Variants in ARHGAP4 observed in about 807,000 individuals in gnomAD.
ARHGAP4 encodes rho GTPase-activating protein 4.
ARHGAP4 carries 25 observed loss-of-function variants against 67.6 expected under a neutral mutation model. The ratio of observed to expected loss-of-function variants is 0.37; its 90% CI spans 0.27 to 0.52. ARHGAP4 has a LOEUF of 0.52. Ranked by LOEUF, ARHGAP4 falls within the 20% of genes least tolerant of loss-of-function variation. The pLI is 0.92. For missense variants in ARHGAP4, 804 were observed against 854.6 expected, an observed-to-expected ratio of 0.94 and a Z score of 0.74; for synonymous variants, 448 against 373.7, an observed-to-expected ratio of 1.20 and a Z score of -2.29.
chrX:153,920,832 T>C (rs2065087886), intron 4 of ARHGAP4, 24 bp from the exon 5 acceptor site: 1 of 1,209,311 alleles, frequency 8.3e-7, no homozygotes, highest in Admixed American at 2.2e-5. Context: ...CAAAGCAAGG[T>C]GGTGCTGGTG....
chrX:153,926,097 C>A, intron 1 of ARHGAP4, 39 bp downstream of exon 1: 1 of 1,196,014 alleles, frequency 8.4e-7, no homozygotes, highest in South Asian at 1.8e-5. Flanking sequence ...CTTGGGTTCT[C>A]CGCAGGAAAC....
chrX:153,917,863 T>C (rs180971589), intron 7 of ARHGAP4, among the ~76,000 whole-genome samples: 367 of 112,455 alleles, frequency 3.3e-3, no homozygotes, highest in African/African-American at 0.011. Context: ...CTAAGAAAGC[T>C]GCTGCCGTGG....
chrX:153,918,139 A>G (rs1557104492), intron 7 of ARHGAP4, among the ~76,000 whole-genome samples: 1 of 113,020 alleles, frequency 8.8e-6, no homozygotes, highest in Non-Finnish European at 1.9e-5. Flanking sequence ...TGCCAACAGT[A>G]CCTGTTGTCA....
chrX:153,908,954 G>T (rs1168380838), intron 21 of ARHGAP4, 116 bp downstream of exon 21: 23 of 768,176 alleles, frequency 3.0e-5, no homozygotes, highest in Non-Finnish European at 4.4e-5. Flanking sequence ...GTTCCCTTGA[G>T]CTAAGGCCAG....
chrX:153,925,995 T>C (rs782057096), intron 1 of ARHGAP4, 141 bp downstream of exon 1: 2 of 872,400 alleles, frequency 2.3e-6, no homozygotes, highest in Non-Finnish European at 3.1e-6. Context: ...GGCAAGGGGC[T>C]CAGGCTCCCT....
In ARHGAP4 at chrX:153,913,539, C is replaced by T. The variant is rs2065035847; in HGVS notation, c.1196G>A (p.Gly399Glu). The stretch of plus-strand genomic sequence containing the variant: ...GGTCTGGAAGGAATCAAGCACATCC[C>T]CGTCATCCGAGGCCACCACCTCCAG... ...ALLEVVASDD[G>E]DVLDSFQTSP... is the part of the protein sequence containing the mutation. The change falls in exon 9 of 22, where the codon GGG becomes GAG. Residue 399 changes from glycine to glutamate, a missense_variant. Gly to Glu is a moderately conservative substitution (Grantham distance 98). Around this residue, in one of 2 missense-constraint regions of ARHGAP4, gnomAD observed 404 missense variants for 505.9 expected, o/e 0.80. Coordinates refer to ENST00000350060, the MANE Select transcript of ARHGAP4 (RefSeq NM_001666.5). 1 of 1,210,499 alleles carries T rather than the reference C, an allele frequency of 8.3e-7. No homozygotes were observed. The highest frequency in any genetic ancestry group is 2.2e-5 in the Admixed American group (1 of 45,895).
chrX:153,914,328 C>G (rs1258570203), intron 7 of ARHGAP4: 1 of 150,531 alleles, frequency 6.6e-6, no homozygotes, highest in Non-Finnish European at 1.3e-5. Flanking sequence ...GATGGCTGCA[C>G]AACCACCAAA....
At chrX:153,909,573 T>C (rs1557102223) in intron 19 of ARHGAP4, 38 bp from the exon 20 acceptor site, 2 of 1,125,901 alleles carry the variant, frequency 1.8e-6, no homozygotes, top group Non-Finnish European at 2.3e-6. Flanking sequence ...GAGTGCTCCT[T>C]CCCTGCACGG....
At chrX:153,920,464 A>T (rs1557104997) in intron 5 of ARHGAP4, 162 bp downstream of exon 5, 5 of 590,546 alleles carry the variant, frequency 8.5e-6, no homozygotes, top group Non-Finnish European at 1.3e-5. Context: ...CCACTCTCTC[A>T]GGCCCTGGGA....
Position 153,913,231 on chromosome X carries a change from C to T in ARHGAP4, c.1398G>A (p.Glu466=). The T allele has an allele frequency of 8.6e-7, 1 of 1,168,930 alleles. No individual in the cohort carries two copies. Among genetic ancestry groups the T allele is most frequent in the Non-Finnish European group, 1.1e-6 (1 of 873,744 alleles). The part of the protein sequence containing the change: ...KLQAKHEKLQ[E]ALQRGDKEEQ... ...CACTGGGCCCACCTCGCTGAAGGGC[C>T]TCCTGCAGCTTCTCGTGCTTGGCCT... The change falls in exon 10 of 22, where the codon GAG becomes GAA. Residue 466 remains glutamate, a synonymous_variant. Transcript: ENST00000350060.
At chrX:153,916,454 G>A (rs2065056226) in intron 7 of ARHGAP4, among the ~76,000 whole-genome samples, 1 of 113,043 alleles carries the variant, frequency 8.8e-6, no homozygotes, top group Non-Finnish European at 1.9e-5. Context: ...GGCTTTGGCT[G>A]GAGGGTGTGG....
Position 153,910,224 on chromosome X carries a change from C to T in ARHGAP4, c.2103G>A (p.Leu701=), listed in dbSNP as rs1557102657. 3 of 1,211,217 alleles carry T rather than the reference C, an allele frequency of 2.5e-6. No homozygotes were observed. The highest frequency in any genetic ancestry group is 3.4e-6 in the Non-Finnish European group (3 of 895,442). ...TGCACTTCTCGTAGACGGGGCCAGG[C>T]AGCGAGGTCAGGGGCGGGAAGACCC... is the stretch of plus-strand genomic sequence containing the variant. The part of the protein sequence containing the change: ...PDRVFPPLTS[L]PGPVYEKCMA... Residue 701 remains leucine (L), a synonymous_variant, in exon 17 of 22, where the codon CTG becomes CTA. Transcript: ENST00000350060.
rs1158100982 is a variant in ARHGAP4, at chrX:153,907,715, C to G, written c.*14G>C. On this transcript the variant is annotated 3_prime_UTR_variant, in exon 22 of 22. Coordinates refer to ENST00000350060, the MANE Select transcript of ARHGAP4 (RefSeq NM_001666.5). ...GGGTAGCCGCCGGGGGCACGCATCTCCAGCAGCGGCACCTCAGTGTGGCTT... is the reference window on the plus strand; with the variant it reads ...GGGTAGCCGCCGGGGGCACGCATCTGCAGCAGCGGCACCTCAGTGTGGCTT... 2.1e-6 allele frequency: 2 copies of G among 937,210 alleles called. No homozygotes were observed. Among genetic ancestry groups the G allele is most frequent in the Non-Finnish European group, 2.8e-6 (2 of 720,480 alleles). 77.2% of individuals were successfully genotyped at this position (937,210 alleles called of 1,213,427 possible).
Position 153,921,424 on chromosome X carries a change from C to G in ARHGAP4, c.376G>C (p.Gly126Arg). 8.3e-7 allele frequency: 1 copy of G among 1,209,980 alleles called. No individual in the cohort carries two copies. Among genetic ancestry groups the G allele is most frequent in the Non-Finnish European group, 1.1e-6 (1 of 895,060 alleles). ...ESAALSEVLAGPLAQRLSHIA... is the reference protein window; with the variant it reads ...ESAALSEVLARPLAQRLSHIA... ...TGACTCAGGCGCTGGGCCAGGGGCC[C>G]GGCCAGCACCTCACTCAGGGCCGCG... The change falls in exon 3 of 22, where the codon GGG becomes CGG. Residue 126 changes from glycine (G) to arginine (R), a missense_variant. Gly to Arg is a moderately radical substitution (Grantham distance 125, BLOSUM62 -2). Transcript: ENST00000350060.
chrX:153,911,252 CT>C (rs10710691), intron 12 of ARHGAP4, 63 bp from the exon 13 acceptor site: 63,832 of 369,616 alleles, frequency 0.17, 228 homozygotes, highest in East Asian at 0.27. Flanking sequence ...CATTCAATTG[CT>C]TTTTTTTTTT....
At chrX:153,926,025 G>A in intron 1 of ARHGAP4, 111 bp downstream of exon 1, 7 of 1,044,120 alleles carry the variant, frequency 6.7e-6, no homozygotes, top group South Asian at 6.2e-5. Context: ...CCGCTCCAGA[G>A]GTCGCTGGGG....
intron 1 of ARHGAP4, among the ~76,000 whole-genome samples, chrX:153,924,347 C>T (rs955859125): frequency 9.0e-6 from 1 of 111,684 alleles, no homozygotes; most frequent in Non-Finnish European, 1.9e-5. Flanking sequence ...GTTGAGCAGG[C>T]AACTTGTGAA....
intron 12 of ARHGAP4, among the ~76,000 whole-genome samples, chrX:153,912,495 G>A (rs1321419147): frequency 8.9e-6 from 1 of 112,222 alleles, no homozygotes; most frequent in African/African-American, 3.2e-5. Context: ...CCCATTACTA[G>A]TTAAGGATGC....
intron 16 of ARHGAP4, 31 bp from the exon 17 acceptor site, chrX:153,910,435 G>C (rs1557102774): frequency 2.5e-6 from 3 of 1,181,368 alleles, no homozygotes; most frequent in Non-Finnish European, 3.4e-6. Context: ...CAAGCAGAGA[G>C]CCCGCACCCC....
Sources: allele counts gnomAD v4.1 joint callset (sites outside exome capture counted in the v4.1 genomes callset), GRCh38; gene constraint gnomAD v4.1.1; regional missense constraint gnomAD v4.1.1; transcripts MANE v1.5; gene names NCBI Gene and HGNC (gene_info 2026-07-23, HGNC 2026-07-21).